Variants in PLXDC1 observed in about 807,000 individuals in gnomAD.
PLXDC1 encodes plexin domain-containing protein 1.
A neutral mutation model predicts 61.3 loss-of-function variants in PLXDC1; 39 were observed. The observed-to-expected ratio is 0.64, with a 90% CI of 0.49 to 0.83. The LOEUF (loss-of-function observed/expected upper bound fraction) is 0.83. Ranked by LOEUF, PLXDC1 falls within the 40% of genes least tolerant of loss-of-function variation. The pLI is 0.00. For synonymous variants in PLXDC1, 212 were observed against 254.5 expected (o/e 0.83, Z 1.59); for missense variants, 596 against 666.5 (o/e 0.89, Z 1.17).
chr17:39,122,573 C>G (rs1478800319), intron 2 of PLXDC1, among the ~76,000 whole-genome samples: 1 of 152,048 alleles, frequency 6.6e-6, no homozygotes, highest in East Asian at 1.9e-4. Context: ...GGTATGGTCA[C>G]TATAATCCAT....
rs1908797377 is a variant in PLXDC1, at chr17:39,063,838, G to T, written c.*4002C>A. The T allele has an allele frequency of 1.1e-5, 3 of 278,280 alleles. No homozygotes were observed. Among genetic ancestry groups the T allele is most frequent in the East Asian group, 9.4e-5 (1 of 10,680 alleles). The allele number at this position is 278,280 out of a possible 1,614,324, so 17.2% of individuals were successfully genotyped here. On this transcript the variant is annotated 3_prime_UTR_variant, in exon 14 of 14. Coordinates refer to ENST00000315392, the MANE Select transcript of PLXDC1 (RefSeq NM_020405.5). ...GTTTGCTTGGCCAGGGAGTCTGAGT[G>T]CAGCCCCTGATCAGTGCTTCATGCC...
intron 2 of PLXDC1, among the ~76,000 whole-genome samples, chr17:39,138,918 C>T (rs1202349341): frequency 6.6e-6 from 1 of 152,108 alleles, no homozygotes; most frequent in African/African-American, 2.4e-5. Context: ...CACAGACACC[C>T]ACAAACAGCC....
chr17:39,117,926 A>G (rs975718516), intron 2 of PLXDC1, among the ~76,000 whole-genome samples: 3 of 152,124 alleles, frequency 2.0e-5, no homozygotes, highest in African/African-American at 7.2e-5. Flanking sequence ...CATTGCCTGT[A>G]TTGATTGTCT....
Position 39,088,341 on chromosome 17 carries a change from C to T in PLXDC1, c.812-639G>A, listed in dbSNP as rs116978146. 2.6e-4 allele frequency among the ~76,000 whole-genome samples: 40 copies of T among 152,318 alleles called. No individual in the cohort carries two copies. The East Asian group carries it at 4.1e-3, about 15-fold the overall frequency. The stretch of plus-strand genomic sequence containing the variant: ...AAGGCTCAGGGCTTGCAGCCAGGCT[C>T]GAGTCCTACTTTGGTCCCTGCAGAA... On this transcript the variant is annotated intron_variant, in intron 7 of 13. Coordinates refer to ENST00000315392, the MANE Select transcript of PLXDC1 (RefSeq NM_020405.5).
intron 2 of PLXDC1, among the ~76,000 whole-genome samples, chr17:39,111,102 T>G (rs142793538): frequency 1.3e-3 from 196 of 152,112 alleles, no homozygotes; most frequent in African/African-American, 4.7e-3. Flanking sequence ...TCTAGCTCCT[T>G]CTCTCTCCTC....
intron 7 of PLXDC1, among the ~76,000 whole-genome samples, chr17:39,097,148 C>T (rs968802369): frequency 7.2e-5 from 11 of 152,058 alleles, no homozygotes; most frequent in Non-Finnish European, 2.9e-5. Flanking sequence ...GAGAGTTTTC[C>T]CCAGACAGGG....
chr17:39,079,358 A>G, intron 9 of PLXDC1, 194 bp from the exon 10 acceptor site: 1 of 615,686 alleles, frequency 1.6e-6, no homozygotes, highest in African/African-American at 1.8e-5. Flanking sequence ...CTTCCTTCCC[A>G]CCCAGCTCCC....
upstream of PLXDC1, chr17:39,152,531 C>G (rs1333328089): frequency 1.6e-5 from 20 of 1,240,290 alleles, no homozygotes; most frequent in Non-Finnish European, 1.7e-5. Context: ...ATGCCTCTTC[C>G]CTCCCCTGAC....
At chr17:39,136,319 C>T (rs529045648) in intron 2 of PLXDC1, among the ~76,000 whole-genome samples, 1 of 152,210 alleles carries the variant, frequency 6.6e-6, no homozygotes, top group African/African-American at 2.4e-5. Flanking sequence ...GGCACCAAAA[C>T]TCAGGAATCA....
At chr17:39,152,603 G>A (rs938000846), upstream of PLXDC1, 7 of 1,250,894 alleles carry the variant, frequency 5.6e-6, no homozygotes, top group South Asian at 1.3e-4. Flanking sequence ...GGGGTGAGGG[G>A]GCATCCTGGC....
intron 2 of PLXDC1, chr17:39,126,814 C>G (rs1164951700): frequency 6.6e-6 from 1 of 152,178 alleles, no homozygotes; most frequent in Non-Finnish European, 1.5e-5. Flanking sequence ...ATCAGTGGTG[C>G]CCCCAGCTGG....
Position 39,064,536 on chromosome 17 carries a change from C to CT in PLXDC1, c.*3303_*3304insA, listed in dbSNP as rs1401531202. 4.6e-5 allele frequency: 7 copies of CT among 152,122 alleles called. No individual in the cohort carries two copies. Among genetic ancestry groups the CT allele is most frequent in the Non-Finnish European group, 7.3e-5 (5 of 68,036 alleles). 9.4% of individuals were successfully genotyped at this position (152,122 alleles called of 1,614,324 possible). On this transcript the variant is annotated 3_prime_UTR_variant, in exon 14 of 14. Coordinates refer to ENST00000315392, the MANE Select transcript of PLXDC1 (RefSeq NM_020405.5). Reference sequence around the variant, plus strand: ...AGATCACAGCCTCTTCTTAGTCATACCCATTTATACATGTCATGAGGGTCA... The same window carrying CT: ...AGATCACAGCCTCTTCTTAGTCATACTCCATTTATACATGTCATGAGGGTCA...
chr17:39,067,556 T>A lies in PLXDC1; in HGVS notation c.*284A>T, dbSNP rs925087122. 2 of 303,808 alleles carry A rather than the reference T, an allele frequency of 6.6e-6. No individual in the cohort carries two copies. The highest frequency in any genetic ancestry group is 1.2e-5 in the Non-Finnish European group (2 of 163,708). The allele number at this position is 303,808 out of a possible 1,614,324, so 18.8% of individuals were successfully genotyped here. On this transcript the variant is annotated 3_prime_UTR_variant, in exon 14 of 14. Transcript: ENST00000315392. ...ACAAAAATGGAGTTAGTTATGTTAG[T>A]TCTTCTGCTGTTTCATGGTTACAAG...
At chr17:39,122,114 G>GCA (rs1911180584) in intron 2 of PLXDC1, among the ~76,000 whole-genome samples, 1 of 75,930 alleles carries the variant, frequency 1.3e-5, no homozygotes, top group African/African-American at 3.6e-5. Context: ...AAAAAAAAGG[G>GCA]GGGGGGGACT....
intron 2 of PLXDC1, among the ~76,000 whole-genome samples, chr17:39,115,515 A>G (rs1449688271): frequency 2.0e-5 from 3 of 152,200 alleles, no homozygotes; most frequent in African/African-American, 4.8e-5. Context: ...TTATTACTCC[A>G]GGACAGTGAA....
rs374289252 is a variant in PLXDC1, at chr17:39,105,947, T to G, written c.718A>C (p.Met240Leu). The stretch of plus-strand genomic sequence containing the variant: ...GAGGAGCTGATTTCCGGGACAGACA[T>G]AGGGATCTGCGGCAGGGAGAAGAGA... ...RIVFAYKEIPMSVPEISSSQH... is the reference protein window; with the variant it reads ...RIVFAYKEIPLSVPEISSSQH... Residue 240 changes from methionine to leucine, a missense_variant, in exon 7 of 14, where the codon ATG (methionine) becomes CTG (leucine). Met to Leu is a conservative substitution (Grantham distance 15, BLOSUM62 2). Coordinates refer to ENST00000315392, the MANE Select transcript of PLXDC1 (RefSeq NM_020405.5). 7 of 1,612,526 alleles carry G rather than the reference T, an allele frequency of 4.3e-6. No homozygotes were observed. The highest frequency in any genetic ancestry group is 1.7e-5 in the Admixed American group (1 of 59,996).
At chr17:39,149,376 C>G (rs780110550) in intron 1 of PLXDC1, among the ~76,000 whole-genome samples, 47 of 152,252 alleles carry the variant, frequency 3.1e-4, no homozygotes, top group Admixed American at 5.2e-4. Flanking sequence ...AACTCTCCCC[C>G]AGAACGTCCT....
chr17:39,101,805 C>T (rs907296387), intron 7 of PLXDC1, among the ~76,000 whole-genome samples: 1 of 152,200 alleles, frequency 6.6e-6, no homozygotes, highest in African/African-American at 2.4e-5. Flanking sequence ...CCCCTCCACT[C>T]CGATGCCCTG....
intron 2 of PLXDC1, among the ~76,000 whole-genome samples, chr17:39,131,601 C>T (rs1199153204): frequency 6.6e-6 from 1 of 152,080 alleles, no homozygotes; most frequent in Non-Finnish European, 1.5e-5. Flanking sequence ...GATATGCCCT[C>T]CTTGGCCTCC....
Sources: allele counts gnomAD v4.1 joint callset (sites outside exome capture counted in the v4.1 genomes callset), GRCh38; gene constraint gnomAD v4.1.1; transcripts MANE v1.5; gene names NCBI Gene and HGNC (gene_info 2026-07-23, HGNC 2026-07-21).